ERC1: variants seen among roughly 807,000 people sequenced by gnomAD.
ERC1 encodes RAB6 interacting protein 2.
In ERC1, 56 loss-of-function variants were observed where a neutral mutation model predicts 132.0. The observed-to-expected ratio is 0.42, with a 90% CI of 0.34 to 0.53. ERC1 has a LOEUF of 0.53. ERC1 is among the 20% of genes least tolerant of loss of function. The pLI is 0.03. For missense variants in ERC1, 1,202 were observed against 1,349.9 expected, an observed-to-expected ratio of 0.89 and a Z score of 1.72; for synonymous variants, 478 against 476.1, an observed-to-expected ratio of 1.00 and a Z score of -0.05.
At chr12:1,323,759 A>G (rs2082268134) in intron 15 of ERC1, among the ~76,000 whole-genome samples, 1 of 152,210 alleles carries the variant, frequency 6.6e-6, no homozygotes, top group South Asian at 2.1e-4. Context: ...TAGAAAAGGC[A>G]TTAGGAAAAT....
chr12:1,434,214 A>G (rs2092886679), intron 17 of ERC1, among the ~76,000 whole-genome samples: 1 of 152,222 alleles, frequency 6.6e-6, no homozygotes, highest in South Asian at 2.1e-4. Flanking sequence ...CGTGGTCTCC[A>G]TCCTCTGGAT....
At chr12:1,278,446 AAAAG>A (rs1472284241) in intron 14 of ERC1, among the ~76,000 whole-genome samples, 3 of 152,198 alleles carry the variant, frequency 2.0e-5, no homozygotes, top group Non-Finnish European at 4.4e-5. Context: ...AATGTCCAAA[AAAAG>A]AGTTGAAATT....
intron 7 of ERC1, among the ~76,000 whole-genome samples, chr12:1,125,260 C>T (rs1267506618): frequency 1.3e-5 from 2 of 151,996 alleles, no homozygotes; most frequent in Non-Finnish European, 2.9e-5. Flanking sequence ...TCCCAGAGTG[C>T]TGGGATTACA....
At chr12:1,461,114 T>C (rs868811911) in intron 18 of ERC1, among the ~76,000 whole-genome samples, 2 of 152,186 alleles carry the variant, frequency 1.3e-5, no homozygotes, top group South Asian at 4.1e-4. Flanking sequence ...AAGAATGTTG[T>C]AGAATTTCCT....
intron 16 of ERC1, among the ~76,000 whole-genome samples, chr12:1,404,512 AT>A (rs1211633546): frequency 1.3e-5 from 2 of 152,100 alleles, no homozygotes; most frequent in African/African-American, 2.4e-5. Context: ...GAAAAACATT[AT>A]TTTCATATTT....
In ERC1 at chr12:1,346,948, C is replaced by CAAAAA. The variant is rs58842053; in HGVS notation, c.2781-24876_2781-24872dup. Among the ~76,000 whole-genome samples, 17 of 106,076 alleles carry CAAAAA rather than the reference C, an allele frequency of 1.6e-4. 2 individuals are homozygous for CAAAAA. The highest frequency in any genetic ancestry group is 6.7e-4 in the African/African-American group (17 of 25,490). The allele number at this position is 106,076 out of a possible 152,430, so 69.6% of individuals were successfully genotyped here. ...TGGGCGACAGAGCGAGACTCCGTCTCAAAAAAAAAAAAAGAGAGAGATGAT... is the reference window on the plus strand; with the variant it reads ...TGGGCGACAGAGCGAGACTCCGTCTCAAAAAAAAAAAAAAAAAAGAGAGAGATGAT... On this transcript the variant is annotated intron_variant, in intron 15 of 18. Coordinates refer to ENST00000360905, the MANE Select transcript of ERC1 (RefSeq NM_178040.4).
At position 1,494,060 on chromosome 12, in the gene ERC1, C is replaced by T. The variant is rs2094341799; in HGVS notation, c.*3830C>T. On this transcript the variant is annotated 3_prime_UTR_variant, in exon 19 of 19. Coordinates refer to ENST00000360905, the MANE Select transcript of ERC1 (RefSeq NM_178040.4). ...CTTGAGTGTAGGCCCGGTGTCAAGACCCTCAGAGTCTTTGAGGAAAGAGCC... is the reference window on the plus strand; with the variant it reads ...CTTGAGTGTAGGCCCGGTGTCAAGATCCTCAGAGTCTTTGAGGAAAGAGCC... The T allele has an allele frequency of 4.3e-6, 1 of 232,214 alleles. No individual in the cohort carries two copies. The allele number at this position is 232,214 out of a possible 1,614,324, so 14.4% of individuals were successfully genotyped here.
At chr12:1,235,573 A>C (rs1484211126) in intron 12 of ERC1, among the ~76,000 whole-genome samples, 1 of 152,212 alleles carries the variant, frequency 6.6e-6, no homozygotes, top group African/African-American at 2.4e-5. Context: ...ATGGCCAAAT[A>C]CTGTATGATA....
intron 12 of ERC1, among the ~76,000 whole-genome samples, chr12:1,210,486 CAAAGATCTCAAAACTAGTTCTTTTTGCAA>C (rs1184173954): frequency 1.3e-5 from 2 of 152,110 alleles, no homozygotes; most frequent in African/African-American, 4.8e-5. Context: ...AGCATGATAG[CAAAGATCTCAAAACTAGTTCTTTTTGCAA>C]GCAGATCTCA....
At chr12:1,142,585 T>G (rs968044317) in intron 8 of ERC1, among the ~76,000 whole-genome samples, 4 of 152,232 alleles carry the variant, frequency 2.6e-5, no homozygotes, top group African/African-American at 9.6e-5. Flanking sequence ...GTACCAAGTT[T>G]CATTTCTACT....
chr12:1,346,774 C>T (rs1016889863), intron 15 of ERC1, among the ~76,000 whole-genome samples: 4 of 150,756 alleles, frequency 2.7e-5, no homozygotes, highest in Non-Finnish European at 5.9e-5. Context: ...AACCCCGTCT[C>T]TACTAAAAAT....
At chr12:1,484,130 C>A (rs1278054437) in intron 18 of ERC1, among the ~76,000 whole-genome samples, 3 of 151,480 alleles carry the variant, frequency 2.0e-5, no homozygotes, top group Admixed American at 1.3e-4. Flanking sequence ...ATGGTGAAAC[C>A]CCATCTCTAC....
In ERC1 at chr12:1,130,290, G is replaced by A. The variant is rs117031163; in HGVS notation, c.1570-11330G>A. On this transcript the variant is annotated intron_variant, in intron 7 of 18. Transcript: ENST00000360905. Reference sequence around the variant, plus strand: ...GAGACAGGAGGATCACTTGAGCCCAGGAGGGTTTTCACATAGAGAAAGCTA... The same window carrying A: ...GAGACAGGAGGATCACTTGAGCCCAAGAGGGTTTTCACATAGAGAAAGCTA... Among the ~76,000 whole-genome samples the A allele has an allele frequency of 4.5e-3, 690 of 152,262 alleles. 1 individual carries two copies. The highest frequency in any genetic ancestry group is 7.1e-3 in the Non-Finnish European group (483 of 68,012).
intron 17 of ERC1, among the ~76,000 whole-genome samples, chr12:1,427,587 C>T (rs904748822): frequency 4.6e-5 from 7 of 152,096 alleles, no homozygotes; most frequent in Non-Finnish European, 7.4e-5. Context: ...CCCTACAGGG[C>T]GTTTGTATTA....
intron 15 of ERC1, among the ~76,000 whole-genome samples, chr12:1,363,007 G>A (rs1038842706): frequency 2.6e-5 from 4 of 152,122 alleles, no homozygotes; most frequent in Non-Finnish European, 4.4e-5. Flanking sequence ...AATAAAGTGC[G>A]AACATTTTAG....
chr12:1,393,077 G>A (rs1040128512), intron 16 of ERC1, among the ~76,000 whole-genome samples: 1 of 152,318 alleles, frequency 6.6e-6, no homozygotes, highest in Admixed American at 6.5e-5. Flanking sequence ...ATCTAAAAAT[G>A]CCTTTATATC....
At chr12:1,082,969 T>C (rs1460030324) in intron 2 of ERC1, among the ~76,000 whole-genome samples, 195 bp from the exon 3 acceptor site, 1 of 152,254 alleles carries the variant, frequency 6.6e-6, no homozygotes, top group Non-Finnish European at 1.5e-5. Context: ...CTGTTGAGAA[T>C]AAACTGAAGT....
chr12:1,257,207 T>C (rs1168937548), intron 13 of ERC1: 1 of 152,206 alleles, frequency 6.6e-6, no homozygotes, highest in Admixed American at 6.5e-5. Flanking sequence ...CAGAGGCCTC[T>C]TGCCACTAGC....
intron 12 of ERC1, among the ~76,000 whole-genome samples, chr12:1,220,208 T>C (rs771605379): frequency 2.6e-4 from 39 of 152,236 alleles, no homozygotes; most frequent in Non-Finnish European, 4.6e-4. Flanking sequence ...ATTACATTGC[T>C]TGTTTTAATT....
Sources: allele counts gnomAD v4.1 joint callset (sites outside exome capture counted in the v4.1 genomes callset), GRCh38; gene constraint gnomAD v4.1.1; transcripts MANE v1.5; gene names NCBI Gene and HGNC (gene_info 2026-07-23, HGNC 2026-07-21).